Variants in CDH8 observed in about 807,000 individuals in gnomAD.
CDH8 encodes the protein cadherin 8.
A neutral mutation model predicts 68.1 loss-of-function variants in CDH8; 17 were observed. The observed-to-expected ratio is 0.25, with a 90% CI of 0.17 to 0.37. The LOEUF (loss-of-function observed/expected upper bound fraction) is 0.37, where lower values mean the gene tolerates loss of function less well. Ranked by LOEUF, CDH8 falls within the 10% of genes least tolerant of loss-of-function variation. CDH8 has a pLI of 1.00. For synonymous variants in CDH8, 372 were observed against 365.1 expected, an observed-to-expected ratio of 1.02 and a Z score of -0.21; for missense variants, 763 against 999.3, an observed-to-expected ratio of 0.76 and a Z score of 3.19.
chr16:62,018,349 G>T (rs929716162), intron 2 of CDH8, among the ~76,000 whole-genome samples: 2 of 152,166 alleles, frequency 1.3e-5, no homozygotes, highest in African/African-American at 4.8e-5. Context: ...CAGAGGCGCC[G>T]CCATGGTGAC....
At position 62,021,554 on chromosome 16, in the gene CDH8, A is replaced by G; in HGVS notation, c.-151T>C. On this transcript the variant is annotated 5_prime_UTR_variant, in exon 2 of 12. Transcript: ENST00000577390. ...CACGGGAAACAGACATCATCTAAGC[A>G]GCTTTTCTAAGACCACAATCCATTG... is the stretch of plus-strand genomic sequence containing the variant. 7.1e-7 allele frequency: 1 copy of G among 1,413,702 alleles called. No homozygotes were observed. The highest frequency in any genetic ancestry group is 9.2e-7 in the Non-Finnish European group (1 of 1,088,360). 87.6% of individuals were successfully genotyped at this position (1,413,702 alleles called of 1,614,324 possible).
chr16:61,798,960 G>A (rs766206248), intron 7 of CDH8, among the ~76,000 whole-genome samples: 5 of 152,226 alleles, frequency 3.3e-5, no homozygotes, highest in East Asian at 1.9e-4. Context: ...CATGGAATCC[G>A]GAAGTTCTGG....
intron 8 of CDH8, among the ~76,000 whole-genome samples, chr16:61,752,638 T>C (rs1177754316): frequency 1.3e-5 from 2 of 152,194 alleles, no homozygotes; most frequent in African/African-American, 4.8e-5. Flanking sequence ...GTATTTTTCT[T>C]TCCTGAATAG....
At chr16:61,872,224 C>T (rs559592193) in intron 3 of CDH8, among the ~76,000 whole-genome samples, 9 of 152,200 alleles carry the variant, frequency 5.9e-5, no homozygotes, top group Middle Eastern at 3.4e-3. Flanking sequence ...CAAAAGTATC[C>T]GAGACAGGTC....
At chr16:61,685,722 T>C (rs530858085) in intron 10 of CDH8, among the ~76,000 whole-genome samples, 1 of 152,074 alleles carries the variant, frequency 6.6e-6, no homozygotes, top group East Asian at 1.9e-4. Context: ...ATTATTTTTA[T>C]TACTATTGCC....
At chr16:61,900,114 A>C (rs1235542843) in intron 3 of CDH8, among the ~76,000 whole-genome samples, 1 of 152,136 alleles carries the variant, frequency 6.6e-6, no homozygotes, top group Non-Finnish European at 1.5e-5. Context: ...ACTTGAGAAC[A>C]GGGTTCTTGA....
intron 4 of CDH8, among the ~76,000 whole-genome samples, chr16:61,835,671 T>C (rs1962553988): frequency 1.3e-5 from 2 of 152,006 alleles, no homozygotes; most frequent in Admixed American, 6.6e-5. Context: ...CCAGGGACAC[T>C]TCAATCAAGT....
intron 10 of CDH8, among the ~76,000 whole-genome samples, chr16:61,668,611 A>G (rs1963726799): frequency 6.6e-6 from 1 of 151,244 alleles, no homozygotes; most frequent in African/African-American, 2.4e-5. Context: ...TATTTTATCT[A>G]TTTGGATTTA....
chr16:61,927,022 T>G (rs1301307361), intron 2 of CDH8, among the ~76,000 whole-genome samples: 4 of 152,168 alleles, frequency 2.6e-5, no homozygotes, highest in African/African-American at 9.7e-5. Flanking sequence ...GCCTTGGAGA[T>G]CATTCATATT....
intron 10 of CDH8, among the ~76,000 whole-genome samples, chr16:61,708,592 T>C (rs530968230): frequency 3.3e-5 from 5 of 152,340 alleles, no homozygotes; most frequent in African/African-American, 7.2e-5. Flanking sequence ...TGTACAGTCA[T>C]ATGCAACTTA....
chr16:61,867,295 AT>A (rs768094130), intron 3 of CDH8, among the ~76,000 whole-genome samples: 3 of 151,962 alleles, frequency 2.0e-5, no homozygotes, highest in African/African-American at 4.8e-5. Flanking sequence ...CATTGTTTTA[AT>A]TTTTTTTAAT....
At chr16:61,975,617 A>G (rs1255070524) in intron 2 of CDH8, among the ~76,000 whole-genome samples, 2 of 152,198 alleles carry the variant, frequency 1.3e-5, no homozygotes, top group Non-Finnish European at 2.9e-5. Flanking sequence ...TTTGTTTGAT[A>G]TTTGCAAATT....
chr16:61,668,680 A>C (rs1020000284), intron 10 of CDH8, among the ~76,000 whole-genome samples: 1 of 151,162 alleles, frequency 6.6e-6, no homozygotes, highest in African/African-American at 2.4e-5. Context: ...AAAAAAAAAA[A>C]CAAACACACA....
intron 3 of CDH8, among the ~76,000 whole-genome samples, chr16:61,894,811 C>T (rs1277853191): frequency 6.6e-6 from 1 of 152,110 alleles, no homozygotes; most frequent in Non-Finnish European, 1.5e-5. Flanking sequence ...CTATAACCTC[C>T]TCAGTGAAAC....
intron 10 of CDH8, among the ~76,000 whole-genome samples, chr16:61,660,229 A>G (rs1424549463): frequency 6.6e-6 from 1 of 152,166 alleles, no homozygotes; most frequent in Non-Finnish European, 1.5e-5. Context: ...TTTCCAACAG[A>G]AGATTATGAG....
intron 2 of CDH8, among the ~76,000 whole-genome samples, chr16:61,981,469 C>T (rs1326058601): frequency 2.0e-5 from 3 of 152,148 alleles, no homozygotes; most frequent in Admixed American, 6.5e-5. Context: ...TTTCTATACT[C>T]ACCATCAATT....
At chr16:61,838,332 T>C (rs530749705) in intron 4 of CDH8, among the ~76,000 whole-genome samples, 1 of 152,212 alleles carries the variant, frequency 6.6e-6, no homozygotes, top group African/African-American at 2.4e-5. Context: ...GGAAAACATA[T>C]TTGGCATGTG....
chr16:61,927,761 G>A (rs977211744), intron 2 of CDH8, among the ~76,000 whole-genome samples: 8 of 152,206 alleles, frequency 5.3e-5, no homozygotes, highest in African/African-American at 1.9e-4. Flanking sequence ...AGTAGACATG[G>A]CATGAGGGGC....
At chr16:61,838,731 AG>A (rs1962620342) in intron 4 of CDH8, among the ~76,000 whole-genome samples, 1 of 152,154 alleles carries the variant, frequency 6.6e-6, no homozygotes, top group South Asian at 2.1e-4. Context: ...TGTGCATATA[AG>A]TTCAACATAC....
Sources: gnomAD v4.1 joint callset for allele counts (sites outside exome capture counted in the v4.1 genomes callset) on GRCh38, gnomAD v4.1.1 for gene constraint, MANE v1.5 for transcripts, NCBI Gene and HGNC (gene_info 2026-07-23, HGNC 2026-07-21) for gene names.